DLK2: variants seen among roughly 807,000 people sequenced by gnomAD.
The protein encoded by DLK2 is delta like non-canonical Notch ligand 2.
DLK2 carries 9 observed loss-of-function variants against 31.3 expected under a neutral mutation model. The observed-to-expected ratio is 0.29, with a 90% CI of 0.17 to 0.50. DLK2 has a LOEUF of 0.50. Ranked by LOEUF, DLK2 falls within the 20% of genes least tolerant of loss-of-function variation. The pLI is 0.98. For synonymous variants in DLK2, 169 were observed against 201.2 expected, an observed-to-expected ratio of 0.84 and a Z score of 1.35; for missense variants, 387 against 526.1, an observed-to-expected ratio of 0.74 and a Z score of 2.59.
intron 1 of DLK2, 84 bp from the exon 2 acceptor site, chr6:43,454,964 GGA>G (rs1277100319): frequency 6.8e-7 from 1 of 1,465,356 alleles, no homozygotes; most frequent in East Asian, 2.5e-5. Flanking sequence ...AGCCGACGAG[GGA>G]GAGGGGCGCC....
Position 43,454,861 on chromosome 6 carries a change from A to G in DLK2, c.-36T>C, listed in dbSNP as rs1235593834. 2.0e-6 allele frequency: 3 copies of G among 1,534,822 alleles called. No individual in the cohort carries two copies. Among genetic ancestry groups the G allele is most frequent in the Admixed American group, 4.0e-5 (2 of 50,524 alleles). On this transcript the variant is annotated 5_prime_UTR_variant, in exon 2 of 6. Coordinates refer to ENST00000372488, the MANE Select transcript of DLK2 (RefSeq NM_023932.4). ...GGCCCCAGGAGGGACGGACGGATGGACGGCCGGACGCGTGGACACCTGTGG... is the reference window on the plus strand; with the variant it reads ...GGCCCCAGGAGGGACGGACGGATGGGCGGCCGGACGCGTGGACACCTGTGG...
At chr6:43,455,220 G>C in intron 1 of DLK2, 175 bp downstream of exon 1, 1 of 400,386 alleles carries the variant, frequency 2.5e-6, no homozygotes, top group Non-Finnish European at 3.4e-6. Flanking sequence ...GGGACGCGGG[G>C]GCCGGAGGGA....
chr6:43,451,613 G>C lies in DLK2; in HGVS notation c.416+327C>G, dbSNP rs1314779284. Among the ~76,000 whole-genome samples the C allele has an allele frequency of 6.6e-6, 1 of 152,144 alleles. No individual in the cohort carries two copies. Among genetic ancestry groups the C allele is most frequent in the Non-Finnish European group, 1.5e-5 (1 of 68,022 alleles). ...GTTTCCTCATCCCTACTGTGACACA[G>C]AAGGGTGCAAGCCAGCGTTCAGGAG... On this transcript the variant is annotated intron_variant, in intron 5 of 5. Coordinates refer to ENST00000372488, the MANE Select transcript of DLK2 (RefSeq NM_023932.4). This position sits in a 1 kb window ranked among gnomAD's most constrained non-coding sequence, Gnocchi z 4.4.
At position 43,451,994 on chromosome 6, in the gene DLK2, G is replaced by A. The variant is rs1783778138; in HGVS notation, c.362C>T (p.Pro121Leu). The change falls in exon 5 of 6, where the codon CCA becomes CTA. Residue 121 changes from proline to leucine, a missense_variant. Pro to Leu is a moderately conservative substitution (Grantham distance 98). Transcript: ENST00000372488. This position sits in a 1 kb window ranked among gnomAD's most constrained non-coding sequence, Gnocchi z 4.4. ...GGGEYHCVCLPGFHGRDCERK... is the reference protein window; with the variant it reads ...GGGEYHCVCLLGFHGRDCERK... ...CTCGCAGTCACGCCCATGGAAGCCT[G>A]GTAAGCACACACAATGGTACTCACC... 2 of 1,614,054 alleles carry A rather than the reference G, an allele frequency of 1.2e-6. No homozygotes were observed. Among genetic ancestry groups the A allele is most frequent in the Admixed American group, 1.7e-5 (1 of 60,004 alleles).
chr6:43,454,571 G>T, intron 2 of DLK2, 97 bp from the exon 3 acceptor site: 1 of 1,378,430 alleles, frequency 7.3e-7, no homozygotes, highest in Non-Finnish European at 1.0e-6. Flanking sequence ...GTAACTGAGC[G>T]GACTCAACCC....
Position 43,454,399 on chromosome 6 carries a change from C to T in DLK2, c.140+12G>A, listed in dbSNP as rs1181521697. The stretch of plus-strand genomic sequence containing the variant: ...ACCAAAGGGTTTGGGGGCACGTGCT[C>T]AGGACAGGTACCTGCAGGAGCCGTC... On this transcript the variant is annotated intron_variant, in intron 3 of 5. Coordinates refer to ENST00000372488, the MANE Select transcript of DLK2 (RefSeq NM_023932.4). The T allele has an allele frequency of 6.2e-7, 1 of 1,601,830 alleles. No individual in the cohort carries two copies. Among genetic ancestry groups the T allele is most frequent in the South Asian group, 1.1e-5 (1 of 88,056 alleles).
intron 2 of DLK2, 101 bp from the exon 3 acceptor site, chr6:43,454,575 T>G: frequency 7.3e-7 from 1 of 1,370,104 alleles, no homozygotes; most frequent in Non-Finnish European, 1.0e-6. Context: ...CTGAGCGGAC[T>G]CAACCCTAGG....
In DLK2 at chr6:43,453,109, T is replaced by C; in HGVS notation, c.167A>G (p.His56Arg). 1 of 1,609,480 alleles carries C rather than the reference T, an allele frequency of 6.2e-7. No homozygotes were observed. The highest frequency in any genetic ancestry group is 1.1e-5 in the South Asian group (1 of 90,838). Residue 56 changes from histidine to arginine, a missense_variant, in exon 4 of 6, where the codon CAC (histidine) becomes CGC (arginine). His to Arg is a conservative substitution (Grantham distance 29). Transcript: ENST00000372488. The surrounding 1 kb of genome is among the most constrained non-coding windows in gnomAD (Gnocchi z 4.1). ...AGGCATCCTCACACAGCGCTCACAG[T>C]GCAGCCCCTCCCAGCCCGGGTCACA... ...CRCDPGWEGL[H>R]CERCVRMPGC...
upstream of DLK2, chr6:43,455,639 T>TCCCCCCCCCCCCCC (rs1318987135): frequency 9.8e-4 from 47 of 47,946 alleles, no homozygotes; most frequent in Middle Eastern, 0.019. Flanking sequence ...CCCACCCCCA[T>TCCCCCCCCCCCCCC]CCCCCCCCCC....
At position 43,451,221 on chromosome 6, in the gene DLK2, T is replaced by C. The variant is rs1374361480; in HGVS notation, c.470A>G (p.Asn157Ser). 1 of 1,614,128 alleles carries C rather than the reference T, an allele frequency of 6.2e-7. No individual in the cohort carries two copies. The highest frequency in any genetic ancestry group is 8.5e-7 in the Non-Finnish European group (1 of 1,180,030). The change falls in exon 6 of 6, where the codon AAC becomes AGC. Residue 157 changes from asparagine to serine, a missense_variant. Asn to Ser is a conservative substitution (Grantham distance 46). Transcript: ENST00000372488. The surrounding 1 kb of genome is among the most constrained non-coding windows in gnomAD (Gnocchi z 4.4). ...GCCCACCAAGCAGCGGCACGTGAAG[T>C]TGAGAGCAAAGCCCTGGTCGTCCTG... is the stretch of plus-strand genomic sequence containing the variant. ...QCQDDQGFAL[N>S]FTCRCLVGFV...
At position 43,454,966 on chromosome 6, in the gene DLK2, A is replaced by G. The variant is rs1207457137; in HGVS notation, c.-55-86T>C. ...TCCAAGTGACAGGAGCCGACGAGGG[A>G]GAGGGGCGCCGGGACAGAAGAAGGG... On this transcript the variant is annotated intron_variant, in intron 1 of 5. Coordinates refer to ENST00000372488, the MANE Select transcript of DLK2 (RefSeq NM_023932.4). The G allele has an allele frequency of 3.1e-6, 4 of 1,310,746 alleles. No homozygotes were observed. The African/African-American group carries it at 6.2e-5, about 20-fold the overall frequency. The allele number at this position is 1,310,746 out of a possible 1,614,324, so 81.2% of individuals were successfully genotyped here. A position where few individuals can be genotyped will look rare whatever the true frequency, so the allele number is the denominator to read the frequency against.
In DLK2 at chr6:43,453,432, A is replaced by G. The variant is rs550403246; in HGVS notation, c.141-297T>C. ...TAGAGGAAGAAATAAGATGTCTGTA[A>G]ATGCCTCCAGTACCCCTCCTGGCAT... On this transcript the variant is annotated intron_variant, in intron 3 of 5. Transcript: ENST00000372488. This position sits in a 1 kb window ranked among gnomAD's most constrained non-coding sequence, Gnocchi z 4.1. Among the ~76,000 whole-genome samples, 15 of 152,322 alleles carry G rather than the reference A, an allele frequency of 9.8e-5. No homozygotes were observed. In the South Asian group the frequency reaches 3.1e-3, roughly 32 times the overall value.
At chr6:43,454,037 TGTAA>T (rs1464809387) in intron 3 of DLK2, among the ~76,000 whole-genome samples, 2 of 152,162 alleles carry the variant, frequency 1.3e-5, no homozygotes, top group Non-Finnish European at 2.9e-5. Context: ...CCTCTTTCAT[TGTAA>T]GTGTTTCTCC....
At chr6:43,452,709 C>T (rs904789888) in intron 4 of DLK2, among the ~76,000 whole-genome samples, 1 of 130,832 alleles carries the variant, frequency 7.6e-6, no homozygotes, top group Non-Finnish European at 1.6e-5. Flanking sequence ...GAGACTCCAT[C>T]TCAAAACAAA....
At position 43,453,335 on chromosome 6, in the gene DLK2, C is replaced by T. The variant is rs1783847774; in HGVS notation, c.141-200G>A. Reference sequence around the variant, plus strand: ...GACCATCAGACACCAGCACTCAAACCCTGGTTCTGTACTTTAACCTGAGCC... The same window carrying T: ...GACCATCAGACACCAGCACTCAAACTCTGGTTCTGTACTTTAACCTGAGCC... On this transcript the variant is annotated intron_variant, in intron 3 of 5. Coordinates refer to ENST00000372488, the MANE Select transcript of DLK2 (RefSeq NM_023932.4). This position sits in a 1 kb window ranked among gnomAD's most constrained non-coding sequence, Gnocchi z 4.1. Among the ~76,000 whole-genome samples the T allele has an allele frequency of 6.6e-6, 1 of 152,196 alleles. No individual in the cohort carries two copies. Among genetic ancestry groups the T allele is most frequent in the Non-Finnish European group, 1.5e-5 (1 of 68,046 alleles).
chr6:43,452,069 G>A lies in DLK2; in HGVS notation c.287C>T (p.Thr96Ile). 1 of 1,614,222 alleles carries A rather than the reference G, an allele frequency of 6.2e-7. No individual in the cohort carries two copies. Among genetic ancestry groups the A allele is most frequent in the Admixed American group, 1.7e-5 (1 of 60,028 alleles). ...TCCATTCTGGCAGGGGGACTGCGTG[G>A]TACAGATATGTTCATCTGGAGAGGG... Reference protein sequence around the residue: ...KFCDKDEHICTTQSPCQNGGQ... With the variant: ...KFCDKDEHICITQSPCQNGGQ... Residue 96 changes from threonine (T) to isoleucine (I), a missense_variant, in exon 5 of 6, where the codon ACC (threonine) becomes ATC (isoleucine). Thr to Ile is a moderately conservative substitution (Grantham distance 89). Coordinates refer to ENST00000372488, the MANE Select transcript of DLK2 (RefSeq NM_023932.4).
chr6:43,451,319 C>A lies in DLK2; in HGVS notation c.417-45G>T. On this transcript the variant is annotated intron_variant, in intron 5 of 5. Coordinates refer to ENST00000372488, the MANE Select transcript of DLK2 (RefSeq NM_023932.4). The surrounding 1 kb of genome is among the most constrained non-coding windows in gnomAD (Gnocchi z 4.4). ...GGACATGATAACCAACTTACCAACA[C>A]CTGTAGGGCAGCCCAGGTCAGTATC... 6.3e-7 allele frequency: 1 copy of A among 1,587,278 alleles called. No individual in the cohort carries two copies. Among genetic ancestry groups the A allele is most frequent in the South Asian group, 1.2e-5 (1 of 85,772 alleles).
rs908817101 is a variant in DLK2 at position 43,454,354 on chromosome 6, T to G, written c.140+57A>C. Reference sequence around the variant, plus strand: ...AAGCCCCTAGACACTGTTGTGCACGTGAAGGGCTTAGAAATGGGTACCAAA... The same window carrying G: ...AAGCCCCTAGACACTGTTGTGCACGGGAAGGGCTTAGAAATGGGTACCAAA... On this transcript the variant is annotated intron_variant, in intron 3 of 5. Coordinates refer to ENST00000372488, the MANE Select transcript of DLK2 (RefSeq NM_023932.4). 80 of 1,528,694 alleles carry G rather than the reference T, an allele frequency of 5.2e-5. No homozygotes were observed. In the Admixed American group the frequency reaches 1.4e-3, roughly 27 times the overall value. 94.7% of individuals were successfully genotyped at this position (1,528,694 alleles called of 1,614,324 possible).
At chr6:43,456,608 G>C (rs920601924), upstream of DLK2, 2 of 152,072 alleles carry the variant, frequency 1.3e-5, no homozygotes, top group Non-Finnish European at 2.9e-5. Flanking sequence ...CCAGCTACTC[G>C]GAAGGCTGAG....
Sources: allele counts gnomAD v4.1 joint callset (sites outside exome capture counted in the v4.1 genomes callset), GRCh38; gene constraint gnomAD v4.1.1; non-coding constraint Gnocchi (gnomAD v3.1); transcripts MANE v1.5; gene names NCBI Gene and HGNC (gene_info 2026-07-23, HGNC 2026-07-21).